ROR1: variants seen among roughly 807,000 people sequenced by gnomAD.
ROR1 encodes the protein ROR family WNT receptor 1, also known as inactive tyrosine-protein kinase transmembrane receptor ROR1.
ROR1 carries 19 observed loss-of-function variants against 78.8 expected under a neutral mutation model. The ratio of observed to expected loss-of-function variants is 0.24; its 90% CI spans 0.17 to 0.35. The LOEUF (loss-of-function observed/expected upper bound fraction) is 0.35. Ranked by LOEUF, ROR1 falls within the 10% of genes least tolerant of loss-of-function variation. ROR1 has a pLI of 1.00. For missense variants in ROR1, 917 were observed against 1,177.8 expected (o/e 0.78, Z 3.24); for synonymous variants, 386 against 433.6 (o/e 0.89, Z 1.36).
chr1:64,120,340 A>G (rs555024558), intron 4 of ROR1, among the ~76,000 whole-genome samples: 1 of 152,270 alleles, frequency 6.6e-6, no homozygotes, highest in Admixed American at 6.5e-5. Flanking sequence ...CTAAAGCAGC[A>G]TTGTCCAGTG....
intron 4 of ROR1, among the ~76,000 whole-genome samples, chr1:64,130,853 G>C (rs909988718): frequency 6.6e-6 from 1 of 152,162 alleles, no homozygotes; most frequent in Admixed American, 6.5e-5. Flanking sequence ...TGAGAGATCT[G>C]TTTGCCCCTC....
At chr1:63,888,622 C>T (rs999601051) in intron 1 of ROR1, among the ~76,000 whole-genome samples, 2 of 151,222 alleles carry the variant, frequency 1.3e-5, no homozygotes, top group Admixed American at 6.6e-5. Flanking sequence ...GACCATGTCT[C>T]CAAAAAACAA....
rs1377913204 is a variant in ROR1 at position 64,179,329 on chromosome 1, C to T, written c.*474C>T. On this transcript the variant is annotated 3_prime_UTR_variant, in exon 9 of 9. Coordinates refer to ENST00000371079, the MANE Select transcript of ROR1 (RefSeq NM_005012.4). ...GAATTATATTGATTGAATTTAGACT[C>T]TGTGCATGTTCTTATGGAAATGATG... The T allele has an allele frequency of 6.5e-6, 1 of 154,092 alleles. No homozygotes were observed. Among genetic ancestry groups the T allele is most frequent in the African/African-American group, 2.4e-5 (1 of 41,464 alleles). The allele number at this position is 154,092 out of a possible 1,614,324, so 9.5% of individuals were successfully genotyped here. A position where few individuals can be genotyped will look rare whatever the true frequency, so the allele number is the denominator to read the frequency against.
intron 4 of ROR1, among the ~76,000 whole-genome samples, chr1:64,112,769 A>C (rs2100676115): frequency 6.6e-6 from 1 of 151,800 alleles, no homozygotes; most frequent in Non-Finnish European, 1.5e-5. Flanking sequence ...CTGCATACCC[A>C]GTGTGCTCAT....
At position 64,004,616 on chromosome 1, in the gene ROR1, G is replaced by A. The variant is rs185139573; in HGVS notation, c.92-4689G>A. Among the ~76,000 whole-genome samples, 61 of 152,286 alleles carry A rather than the reference G, an allele frequency of 4.0e-4. 1 individual carries two copies. Among genetic ancestry groups the A allele is most frequent in the African/African-American group, 1.4e-3 (60 of 41,572 alleles). On this transcript the variant is annotated intron_variant, in intron 1 of 8. Transcript: ENST00000371079. ...GTGTAACCTCACGCATCACTGAATC[G>A]GGGATACAGGATGTGGCATGGCTGG...
At chr1:64,134,928 T>C (rs944412395) in intron 4 of ROR1, among the ~76,000 whole-genome samples, 3 of 152,056 alleles carry the variant, frequency 2.0e-5, no homozygotes, top group Admixed American at 2.0e-4. Context: ...TTTGTATTTT[T>C]AGTAGAGATG....
intron 7 of ROR1, among the ~76,000 whole-genome samples, chr1:64,155,883 C>T (rs970647316): frequency 2.0e-5 from 3 of 152,164 alleles, no homozygotes; most frequent in African/African-American, 7.2e-5. Flanking sequence ...ATAACCATAA[C>T]ATCCAACAAC....
intron 1 of ROR1, among the ~76,000 whole-genome samples, chr1:63,886,480 G>A (rs1470173856): frequency 1.4e-4 from 21 of 152,180 alleles, no homozygotes; most frequent in Admixed American, 1.4e-3. Flanking sequence ...AGGGATCCGG[G>A]AAGGTCTGTG....
chr1:63,784,135 G>T (rs1275974296), intron 1 of ROR1, among the ~76,000 whole-genome samples: 1 of 151,786 alleles, frequency 6.6e-6, no homozygotes, highest in Non-Finnish European at 1.5e-5. Context: ...ATTTGTATAG[G>T]GCTTTGCAGC....
intron 1 of ROR1, among the ~76,000 whole-genome samples, chr1:63,920,930 C>T (rs1645649379): frequency 6.6e-6 from 1 of 152,192 alleles, no homozygotes; most frequent in Non-Finnish European, 1.5e-5. Context: ...TGGGCATTTA[C>T]TCTGTGGGAG....
intron 4 of ROR1, among the ~76,000 whole-genome samples, chr1:64,067,175 C>T (rs1351005765): frequency 2.0e-5 from 3 of 151,770 alleles, no homozygotes; most frequent in African/African-American, 7.3e-5. Context: ...TGTGGCGAAA[C>T]CTAGTCTCTA....
chr1:63,915,099 T>A (rs947918078), intron 1 of ROR1, among the ~76,000 whole-genome samples: 1 of 152,228 alleles, frequency 6.6e-6, no homozygotes, highest in African/African-American at 2.4e-5. Flanking sequence ...TATAGTCATC[T>A]TTCTTTTAAA....
chr1:63,857,688 A>G (rs1291906233), intron 1 of ROR1, among the ~76,000 whole-genome samples: 2 of 152,218 alleles, frequency 1.3e-5, no homozygotes, highest in Admixed American at 1.3e-4. Flanking sequence ...TTGACAGTGG[A>G]TATGTGCCAC....
At chr1:64,028,386 T>C (rs1646631364) in intron 2 of ROR1, among the ~76,000 whole-genome samples, 1 of 152,146 alleles carries the variant, frequency 6.6e-6, no homozygotes, top group Non-Finnish European at 1.5e-5. Context: ...AGGTGACATT[T>C]GAGTTGGGTA....
At chr1:64,132,859 C>T (rs1266863817) in intron 4 of ROR1, among the ~76,000 whole-genome samples, 4 of 151,226 alleles carry the variant, frequency 2.6e-5, no homozygotes, top group African/African-American at 7.3e-5. Flanking sequence ...CAGTACCGAT[C>T]GGTTCAGCTA....
At chr1:64,048,899 A>G (rs1457764658) in intron 2 of ROR1, among the ~76,000 whole-genome samples, 1 of 152,164 alleles carries the variant, frequency 6.6e-6, no homozygotes, top group African/African-American at 2.4e-5. Flanking sequence ...AGCAGGGACC[A>G]ACTACAAAAG....
At chr1:63,972,859 A>G (rs188942298) in intron 1 of ROR1, among the ~76,000 whole-genome samples, 34 of 152,368 alleles carry the variant, frequency 2.2e-4, no homozygotes, top group African/African-American at 7.9e-4. Context: ...CAGACTTACT[A>G]TACAGTTTCT....
intron 1 of ROR1, among the ~76,000 whole-genome samples, chr1:63,907,343 G>A (rs1645537525): frequency 6.6e-6 from 1 of 152,166 alleles, no homozygotes; most frequent in Non-Finnish European, 1.5e-5. Context: ...TAAGCTTTCT[G>A]AGCCTCAGTT....
chr1:64,148,106 A>G (rs534094439), intron 7 of ROR1, among the ~76,000 whole-genome samples: 1 of 152,350 alleles, frequency 6.6e-6, no homozygotes, highest in Non-Finnish European at 1.5e-5. Context: ...CATTTATTGT[A>G]TGCTTACAAT....
Sources: gnomAD v4.1 joint callset for allele counts (sites outside exome capture counted in the v4.1 genomes callset) on GRCh38, gnomAD v4.1.1 for gene constraint, MANE v1.5 for transcripts, NCBI Gene and HGNC (gene_info 2026-07-23, HGNC 2026-07-21) for gene names.